ITFG2: variants seen among roughly 807,000 people sequenced by gnomAD.
The protein encoded by ITFG2 is KICSTOR complex protein ITFG2.
In ITFG2, 36 loss-of-function variants were observed where a neutral mutation model predicts 54.4. The observed-to-expected ratio is 0.66, with a 90% CI of 0.51 to 0.87. The LOEUF (loss-of-function observed/expected upper bound fraction) is 0.87, where lower values mean the gene tolerates loss of function less well. Among genes scored for constraint, ITFG2 ranks in the 40% least tolerant of loss-of-function variants. The pLI is 0.00. For synonymous variants in ITFG2, 211 were observed against 225.4 expected (o/e 0.94, Z 0.57); for missense variants, 524 against 576.7 (o/e 0.91, Z 0.94).
intron 3 of ITFG2, chr12:2,858,909 T>C: frequency 3.1e-6 from 5 of 1,613,848 alleles, no homozygotes; most frequent in Non-Finnish European, 4.2e-6. Flanking sequence ...GAGGAGCCTT[T>C]GCGGTGATTC....
chr12:2,838,345 T>C (rs566440283), intron 1 of ITFG2, among the ~76,000 whole-genome samples: 4 of 152,268 alleles, frequency 2.6e-5, no homozygotes, highest in African/African-American at 9.6e-5. Context: ...AATGCATCCT[T>C]TGGGGGAGTT....
At chr12:2,828,863 T>A (rs2153925832), downstream of ITFG2, among the ~76,000 whole-genome samples, 1 of 151,836 alleles carries the variant, frequency 6.6e-6, no homozygotes, top group Admixed American at 6.6e-5. Context: ...AAAAAACTGG[T>A]TTTTATGAGA....
intron 7 of ITFG2, 38 bp downstream of exon 7, chr12:2,821,397 G>A (rs2097943898): frequency 1.3e-6 from 2 of 1,570,196 alleles, no homozygotes; most frequent in South Asian, 1.1e-5. Context: ...GAGATGAGGG[G>A]TAGCCGTCAG....
intron 2 of ITFG2, among the ~76,000 whole-genome samples, chr12:2,846,706 G>A (rs1032423412): frequency 3.3e-5 from 5 of 151,560 alleles, no homozygotes; most frequent in South Asian, 2.1e-4. Flanking sequence ...TGGCACTCCC[G>A]TGGAGCACTC....
intron 1 of ITFG2, among the ~76,000 whole-genome samples, chr12:2,837,443 ACTCC>A (rs2098031213): frequency 6.6e-6 from 1 of 151,218 alleles, no homozygotes; most frequent in African/African-American, 2.4e-5. Flanking sequence ...ACGCCACTGC[ACTCC>A]AGCCTAGGCG....
rs2097937423 is a variant in ITFG2, at chr12:2,819,958, CTG to C, written c.407-127_407-126del. 3.3e-6 allele frequency: 4 copies of C among 1,226,150 alleles called. No homozygotes were observed. In the Admixed American group the frequency reaches 1.2e-4, roughly 38 times the overall value. The allele number at this position is 1,226,150 out of a possible 1,614,324, so 76.0% of individuals were successfully genotyped here. ...AAACACAGGCAGGGGCGGGGGCAGACTGAGGGTGAAGTGAGTAGCACCGCAGA... is the reference window on the plus strand; with the variant it reads ...AAACACAGGCAGGGGCGGGGGCAGACAGGGTGAAGTGAGTAGCACCGCAGA... On this transcript the variant is annotated intron_variant, in intron 4 of 11. Transcript: ENST00000228799.
At chr12:2,830,455 CTTAAT>C in intron 2 of ITFG2, 3 of 410,650 alleles carry the variant, frequency 7.3e-6, no homozygotes, top group Non-Finnish European at 1.3e-5. Context: ...GGAGTACTTA[CTTAAT>C]TTAAGTATTG....
chr12:2,852,360 G>A (rs971138818), intron 2 of ITFG2, among the ~76,000 whole-genome samples: 1 of 151,624 alleles, frequency 6.6e-6, no homozygotes, highest in African/African-American at 2.4e-5. Flanking sequence ...ACCACCTGCT[G>A]TGGGAACTGT....
chr12:2,847,254 C>T (rs1409891052), intron 2 of ITFG2, among the ~76,000 whole-genome samples: 1 of 152,152 alleles, frequency 6.6e-6, no homozygotes, highest in Admixed American at 6.5e-5. Flanking sequence ...TTCATAAGTA[C>T]ACAAATCAGT....
chr12:2,818,891 A>C (rs1349841947), intron 4 of ITFG2, among the ~76,000 whole-genome samples: 1 of 151,764 alleles, frequency 6.6e-6, no homozygotes, highest in Non-Finnish European at 1.5e-5. Flanking sequence ...GGTGGCAGGC[A>C]CCTGTTATCC....
intron 2 of ITFG2, chr12:2,830,806 G>T: frequency 6.2e-7 from 1 of 1,613,768 alleles, no homozygotes. Flanking sequence ...GGCTCCCCCT[G>T]AAGCCAATTC....
intron 2 of ITFG2, among the ~76,000 whole-genome samples, chr12:2,842,494 AT>A (rs67864863): frequency 1 from 151,908 of 152,038 alleles, 75,889 homozygotes; most frequent in East Asian, 1. Context: ...GTAATCCCAC[AT>A]TTTTGGAAGG....
chr12:2,859,676 CAG>C (rs2098105593), exon 4 of ITFG2: 1 of 1,593,340 alleles, frequency 6.3e-7, no homozygotes, highest in Non-Finnish European at 8.5e-7. Context: ...GAAAGGGAAA[CAG>C]AGATAAGGTG....
chr12:2,859,078 G>A (rs1358763345), intron 3 of ITFG2: 5 of 1,608,018 alleles, frequency 3.1e-6, no homozygotes, highest in African/African-American at 1.3e-5. Flanking sequence ...GGGGTTCTGG[G>A]GAGGACAGAT....
intron 1 of ITFG2, among the ~76,000 whole-genome samples, chr12:2,840,650 G>A (rs528621042): frequency 1.6e-4 from 24 of 152,138 alleles, no homozygotes; most frequent in African/African-American, 5.8e-4. Flanking sequence ...GCCGGGCGAG[G>A]TGGCGGGCGC....
chr12:2,823,893 T>C lies in ITFG2; in HGVS notation c.1190T>C (p.Leu397Pro). 2 of 1,613,700 alleles carry C rather than the reference T, an allele frequency of 1.2e-6. No homozygotes were observed. Among genetic ancestry groups the C allele is most frequent in the Non-Finnish European group, 1.7e-6 (2 of 1,179,778 alleles). Residue 397 changes from leucine (L) to proline (P), a missense_variant, in exon 11 of 12, where the codon CTG becomes CCG. Physicochemically the swap from Leu to Pro is moderately conservative, Grantham distance 98. Coordinates refer to ENST00000228799, the MANE Select transcript of ITFG2 (RefSeq NM_018463.4). ...ERMESTNLVK[L>P]LETKPEYHSL... ...ATGGAGTCTACCAATCTGGTGAAACTGCTGGAGACCAAGCCGGAGTACCAC... is the reference window on the plus strand; with the variant it reads ...ATGGAGTCTACCAATCTGGTGAAACCGCTGGAGACCAAGCCGGAGTACCAC...
At chr12:2,815,741 T>G (rs565702744) in intron 1 of ITFG2, among the ~76,000 whole-genome samples, 2 of 152,200 alleles carry the variant, frequency 1.3e-5, no homozygotes, top group African/African-American at 4.8e-5. Context: ...TCGCATACTT[T>G]TCTGGGGTGG....
chr12:2,821,011 C>G (rs2097942340), intron 6 of ITFG2, 139 bp downstream of exon 6: 1 of 915,012 alleles, frequency 1.1e-6, no homozygotes, highest in African/African-American at 1.7e-5. Context: ...CTTTGCCCCA[C>G]TGGGGAAGAT....
chr12:2,859,156 G>A, intron 3 of ITFG2: 1 of 1,606,994 alleles, frequency 6.2e-7, no homozygotes, highest in Non-Finnish European at 8.5e-7. Context: ...CCCACTTCCT[G>A]GGAGTAGCTG....
Sources: gnomAD v4.1 joint callset for allele counts (sites outside exome capture counted in the v4.1 genomes callset) on GRCh38, gnomAD v4.1.1 for gene constraint, MANE v1.5 for transcripts, NCBI Gene and HGNC (gene_info 2026-07-23, HGNC 2026-07-21) for gene names.